The following ZFYVE26 variants were observed in gnomAD, a reference collection of about 807,000 sequenced individuals.
ZFYVE26 encodes zinc finger FYVE domain-containing protein 26.
ZFYVE26 carries 181 observed loss-of-function variants against 276.5 expected under a neutral mutation model. The observed-to-expected ratio is 0.65, with a 90% CI of 0.58 to 0.74. The LOEUF (loss-of-function observed/expected upper bound fraction) is 0.74. Ranked by LOEUF, ZFYVE26 falls within the 30% of genes least tolerant of loss-of-function variation. The pLI, the probability that ZFYVE26 is intolerant of heterozygous loss-of-function variation, is 0.00. For synonymous variants in ZFYVE26, 1,129 were observed against 1,203.1 expected (o/e 0.94, Z 1.27); for missense variants, 2,821 against 3,097.9 (o/e 0.91, Z 2.12).
At chr14:67,754,949 T>G in intron 37 of ZFYVE26, 102 bp downstream of exon 37, 1 of 1,345,084 alleles carries the variant, frequency 7.4e-7, no homozygotes, top group South Asian at 1.2e-5. Flanking sequence ...TTTAGATTTT[T>G]TTTCAGGATT....
chr14:67,798,036 C>G lies in ZFYVE26; in HGVS notation c.2226G>C (p.Val742=). 6.2e-7 allele frequency: 1 copy of G among 1,614,158 alleles called. No individual in the cohort carries two copies. Among genetic ancestry groups the G allele is most frequent in the Non-Finnish European group, 8.5e-7 (1 of 1,180,032 alleles). ...CACCTGAACGATGGTTGCTTGTCAC[C>G]ACCTTGTGTCTCCACTGGGCCTCAG... The part of the protein sequence containing the change: ...VVSEAQWRHK[V]VTSNHRSEEQ... Residue 742 remains valine (V), a synonymous_variant, in exon 11 of 42, where the codon GTG becomes GTC. Transcript: ENST00000347230.
chr14:67,763,961 C>T (rs1000511956), intron 32 of ZFYVE26, among the ~76,000 whole-genome samples: 3 of 152,122 alleles, frequency 2.0e-5, no homozygotes, highest in South Asian at 4.1e-4. Flanking sequence ...CAGGCCACAT[C>T]GCTACCATTC....
At chr14:67,814,556 T>G (rs1466155308) in intron 2 of ZFYVE26, among the ~76,000 whole-genome samples, 3 of 144,074 alleles carry the variant, frequency 2.1e-5, no homozygotes, top group Non-Finnish European at 4.5e-5. Flanking sequence ...AACAAACAAA[T>G]CAGAACCAGA....
In ZFYVE26 at chr14:67,793,741, A is replaced by G. The variant is rs757561899; in HGVS notation, c.2420T>C (p.Met807Thr). Residue 807 changes from methionine to threonine, a missense_variant, in exon 14 of 42, where the codon ATG (methionine) becomes ACG (threonine). Transcript: ENST00000347230. ...ACTGTGCAGCTCATTCCGGCCAGAC[A>G]TGGCACTCAGACTTCCCTCTGTTGG... ...TSTSEGSLSAMSGRNELHSRL... is the reference protein window; with the variant it reads ...TSTSEGSLSATSGRNELHSRL... 31 of 1,613,858 alleles carry G rather than the reference A, an allele frequency of 1.9e-5. No homozygotes were observed. Among genetic ancestry groups the G allele is most frequent in the Non-Finnish European group, 2.6e-5 (31 of 1,179,966 alleles).
intron 41 of ZFYVE26, among the ~76,000 whole-genome samples, chr14:67,748,995 T>C (rs781334899): frequency 6.6e-6 from 1 of 152,000 alleles, no homozygotes; most frequent in Non-Finnish European, 1.5e-5. Context: ...TCGCCCAGAG[T>C]TGTGATTTTG....
chr14:67,814,644 G>A (rs192895133), intron 2 of ZFYVE26, among the ~76,000 whole-genome samples: 2 of 152,072 alleles, frequency 1.3e-5, no homozygotes, highest in Non-Finnish European at 2.9e-5. Context: ...AATAATATTC[G>A]AGAAAACCAT....
In ZFYVE26 at chr14:67,781,564, C is replaced by T. The variant is rs2235962; in HGVS notation, c.4373-35G>A. The stretch of plus-strand genomic sequence containing the variant: ...AAAAAAGATGCTCAGAGGCAGCAAG[C>T]GTGGGACCAGAAGAGTTCAAGAGTC... On this transcript the variant is annotated intron_variant, in intron 21 of 41. Coordinates refer to ENST00000347230, the MANE Select transcript of ZFYVE26 (RefSeq NM_015346.4). The T allele has an allele frequency of 0.64, 1,027,301 of 1,605,680 alleles. 333,047 individuals are homozygous for T. The highest frequency in any genetic ancestry group is 0.84 in the East Asian group (37,867 of 44,836).
At chr14:67,754,994 G>A in intron 37 of ZFYVE26, 57 bp downstream of exon 37, 1 of 1,591,738 alleles carries the variant, frequency 6.3e-7, no homozygotes, top group East Asian at 2.2e-5. Context: ...ATCACCTACA[G>A]ACAACTGCTC....
At chr14:67,778,758 T>C (rs1341325476) in intron 23 of ZFYVE26, among the ~76,000 whole-genome samples, 1 of 151,582 alleles carries the variant, frequency 6.6e-6, no homozygotes, top group Non-Finnish European at 1.5e-5. Context: ...AGATGAAGTT[T>C]GAGAGAATAG....
intron 41 of ZFYVE26, 40 bp downstream of exon 41, chr14:67,751,012 T>C (rs757369418): frequency 6.2e-7 from 1 of 1,613,740 alleles, no homozygotes; most frequent in Non-Finnish European, 8.5e-7. Context: ...TGAGACACAA[T>C]TCATTGGCAT....
At chr14:67,798,895 C>G (rs2040019063) in intron 10 of ZFYVE26, 1 of 921,482 alleles carries the variant, frequency 1.1e-6, no homozygotes, top group African/African-American at 1.6e-5. Flanking sequence ...GCCACCAGGC[C>G]CCGCCCCCGG....
At chr14:67,778,530 T>C (rs1468735214) in intron 23 of ZFYVE26, among the ~76,000 whole-genome samples, 1 of 152,204 alleles carries the variant, frequency 6.6e-6, no homozygotes, top group Non-Finnish European at 1.5e-5. Flanking sequence ...TAGTCACCCA[T>C]GCTATAAGAA....
At chr14:67,786,788 C>G (rs1481460849) in intron 16 of ZFYVE26, among the ~76,000 whole-genome samples, 2 of 152,220 alleles carry the variant, frequency 1.3e-5, no homozygotes, top group Non-Finnish European at 2.9e-5. Context: ...GAAGCAACCT[C>G]AGTGTCCATC....
intron 2 of ZFYVE26, 53 bp downstream of exon 2, chr14:67,815,717 G>A: frequency 6.3e-7 from 1 of 1,579,944 alleles, no homozygotes; most frequent in Non-Finnish European, 8.7e-7. Context: ...CCCAAATATT[G>A]AACCACATGT....
At chr14:67,781,287 T>C (rs373369504) in intron 22 of ZFYVE26, 46 bp downstream of exon 22, 109 of 1,604,560 alleles carry the variant, frequency 6.8e-5, no homozygotes, top group East Asian at 2.7e-4. Context: ...GGGTTGATCA[T>C]AGAGTGAGAA....
In ZFYVE26 at chr14:67,752,365, C is replaced by A. The variant is rs370775301; in HGVS notation, c.7350G>T (p.Ala2450=). The A allele has an allele frequency of 1.9e-6, 3 of 1,611,250 alleles. No homozygotes were observed. The highest frequency in any genetic ancestry group is 2.5e-6 in the Non-Finnish European group (3 of 1,178,826). The change falls in exon 40 of 42, where the codon GCG becomes GCT. Residue 2450 remains alanine, a synonymous_variant. Transcript: ENST00000347230. ...GTACCTGGGGCGGAATTCTCTTGAA[C>A]GCTTCCAGGCAGTTGAGGAGGATGG... is the stretch of plus-strand genomic sequence containing the variant. ...GDTILLNCLE[A]FKRIPPQELE...
intron 28 of ZFYVE26, 159 bp from the exon 29 acceptor site, chr14:67,769,889 C>T (rs954500044): frequency 5.1e-6 from 5 of 982,988 alleles, no homozygotes; most frequent in Non-Finnish European, 7.6e-6. Flanking sequence ...TCCTTGCCCT[C>T]AAAAATTGAA....
Position 67,755,987 on chromosome 14 carries a change from GTTC to G in ZFYVE26, c.6744_6746del (p.Lys2248del), listed in dbSNP as rs764479245. 1.6e-5 allele frequency: 26 copies of G among 1,614,240 alleles called. No individual in the cohort carries two copies. Among genetic ancestry groups the G allele is most frequent in the African/African-American group, 6.7e-5 (5 of 75,056 alleles). On this transcript the variant is annotated inframe_deletion, in exon 36 of 42. Coordinates refer to ENST00000347230, the MANE Select transcript of ZFYVE26 (RefSeq NM_015346.4). Reference sequence around the variant, plus strand: ...GCAGCTCATACAGAATGTGGTAGTAGTTCTTCTTCTGTAAATGTTGGCAGGCAG... The same window carrying G: ...GCAGCTCATACAGAATGTGGTAGTAGTTCTTCTGTAAATGTTGGCAGGCAG...
At chr14:67,789,718 T>A in intron 15 of ZFYVE26, 120 bp from the exon 16 acceptor site, 1 of 1,300,224 alleles carries the variant, frequency 7.7e-7, no homozygotes, top group Non-Finnish European at 1.1e-6. Context: ...GTATCTTTCA[T>A]GTATATTAGC....
Sources: allele counts gnomAD v4.1 joint callset (sites outside exome capture counted in the v4.1 genomes callset), GRCh38; gene constraint gnomAD v4.1.1; transcripts MANE v1.5; gene names NCBI Gene and HGNC (gene_info 2026-07-23, HGNC 2026-07-21).